Variants in AKAP12 observed in about 807,000 individuals in gnomAD.
The protein encoded by AKAP12 is A-kinase anchor protein 12.
AKAP12 carries 32 observed loss-of-function variants against 79.9 expected under a neutral mutation model. That is an observed-to-expected ratio of 0.40 (90% confidence interval 0.30 to 0.54). The LOEUF (loss-of-function observed/expected upper bound fraction) is 0.54. Ranked by LOEUF, AKAP12 falls within the 20% of genes least tolerant of loss-of-function variation. AKAP12 has a pLI of 0.48. For synonymous variants in AKAP12, 808 were observed against 857.0 expected (o/e 0.94, Z 1.00); for missense variants, 2,074 against 2,177.0 (o/e 0.95, Z 0.94).
chr6:151,288,945 T>G (rs184083365), intron 2 of AKAP12, among the ~76,000 whole-genome samples: 208 of 152,354 alleles, frequency 1.4e-3, no homozygotes, highest in African/African-American at 4.7e-3. Flanking sequence ...ACTTATGATT[T>G]ATAAATGAGG....
chr6:151,323,818 C>G lies in AKAP12; in HGVS notation c.319+17915C>G, dbSNP rs1777459161. 3.0e-6 allele frequency: 3 copies of G among 985,304 alleles called. No homozygotes were observed. In the African/African-American group the frequency reaches 5.2e-5, roughly 17 times the overall value. The allele number at this position is 985,304 out of a possible 1,614,324, so 61.0% of individuals were successfully genotyped here. A position where few individuals can be genotyped will look rare whatever the true frequency, so the allele number is the denominator to read the frequency against. ...ATTCATTCTGCTCTGCAAGGGCAGA[C>G]TCGATTTCAGAAGTGGCACCAGATG... On this transcript the variant is annotated intron_variant, in intron 3 of 4. Coordinates refer to ENST00000402676, the MANE Select transcript of AKAP12 (RefSeq NM_005100.4).
At chr6:151,345,928 TGTGTGAGAGAGA>T (rs1369700141) in intron 3 of AKAP12, among the ~76,000 whole-genome samples, 6 of 110,734 alleles carry the variant, frequency 5.4e-5, no homozygotes, top group African/African-American at 1.9e-4. Flanking sequence ...TGTGTGTGTG[TGTGTGAGAGAGA>T]GAGAGAGAGA....
chr6:151,252,730 G>C (rs1187961835), intron 2 of AKAP12, among the ~76,000 whole-genome samples: 2 of 103,752 alleles, frequency 1.9e-5, no homozygotes, highest in African/African-American at 8.2e-5. Flanking sequence ...CCCTGTCTCT[G>C]GGAAAAAAAA....
At chr6:151,347,739 TA>T (rs1242203969) in intron 3 of AKAP12, among the ~76,000 whole-genome samples, 1 of 152,232 alleles carries the variant, frequency 6.6e-6, no homozygotes, top group Non-Finnish European at 1.5e-5. Flanking sequence ...GTCATATTTT[TA>T]AAATATTTAA....
intron 1 of AKAP12, 40 bp from the exon 2 acceptor site, chr6:151,240,344 C>T (rs1796945004): frequency 2.3e-6 from 1 of 434,782 alleles, no homozygotes; most frequent in East Asian, 3.8e-5. Context: ...GGGGCGGAGG[C>T]TAAGAGGTGG....
chr6:151,350,471 A>G lies in AKAP12; in HGVS notation c.2080A>G (p.Arg694Gly). Residue 694 changes from arginine (R) to glycine (G), a missense_variant, in exon 4 of 5, where the codon AGA becomes GGA. Arg to Gly is a moderately radical substitution (Grantham distance 125, BLOSUM62 -2). Transcript: ENST00000402676. The surrounding 1 kb of genome is among the most constrained non-coding windows in gnomAD (Gnocchi z 4.8). ...GGGATCATCCAAGAAAAGAGCAAGG[A>G]GAGGGTCCTCTTCTGATGAGGAAGG... is the stretch of plus-strand genomic sequence containing the variant. ...CVGSSKKRAR[R>G]GSSSDEEGGP... 1 of 1,614,152 alleles carries G rather than the reference A, an allele frequency of 6.2e-7. No individual in the cohort carries two copies. Among genetic ancestry groups the G allele is most frequent in the Non-Finnish European group, 8.5e-7 (1 of 1,180,040 alleles).
Position 151,349,407 on chromosome 6 carries a change from A to G in AKAP12, c.1016A>G (p.Glu339Gly). 6.2e-7 allele frequency: 1 copy of G among 1,613,364 alleles called. No individual in the cohort carries two copies. The highest frequency in any genetic ancestry group is 8.5e-7 in the Non-Finnish European group (1 of 1,179,830). The stretch of plus-strand genomic sequence containing the variant: ...GAGCCAGAAAAAGTAGACACAGAAG[A>G]AGACGGAAAGGCAGAGGTTGCCTCC... ...EQEPEKVDTE[E>G]DGKAEVASEK... Residue 339 changes from glutamate (E) to glycine (G), a missense_variant, in exon 4 of 5, where the codon GAA becomes GGA. This residue lies in a region of AKAP12 where 1,428 missense variants were observed against 1,451.0 expected (regional missense o/e 0.98). Transcript: ENST00000402676.
chr6:151,248,902 G>A (rs1045356016), intron 2 of AKAP12, among the ~76,000 whole-genome samples: 3 of 151,892 alleles, frequency 2.0e-5, no homozygotes, highest in Non-Finnish European at 4.4e-5. Context: ...CAGGAGAATC[G>A]CTTGAACCTA....
intron 2 of AKAP12, among the ~76,000 whole-genome samples, chr6:151,241,826 CAAAAAAAA>C (rs59482970): frequency 8.1e-6 from 1 of 123,896 alleles, no homozygotes; most frequent in Non-Finnish European, 1.7e-5. Flanking sequence ...TTACAATATG[CAAAAAAAA>C]AAAAAAAAAG....
At chr6:151,240,867 C>T in intron 2 of AKAP12, 143 bp downstream of exon 2, 4 of 813,630 alleles carry the variant, frequency 4.9e-6, no homozygotes, top group Non-Finnish European at 6.6e-6. Flanking sequence ...GCGAACCCCT[C>T]TTTGGAGGCT....
chr6:151,299,756 GT>G (rs71014572), intron 2 of AKAP12, among the ~76,000 whole-genome samples: 94,522 of 141,750 alleles, frequency 0.67, 32,351 homozygotes, highest in South Asian at 0.81. Context: ...ACATTTAAGG[GT>G]TTTTTTTTTT....
chr6:151,350,832 G>A lies in AKAP12; in HGVS notation c.2441G>A (p.Arg814Gln), dbSNP rs1778264239. The A allele has an allele frequency of 1.2e-6, 2 of 1,614,054 alleles. No individual in the cohort carries two copies. The highest frequency in any genetic ancestry group is 1.7e-5 in the Admixed American group (1 of 60,004). Residue 814 changes from arginine (R) to glutamine (Q), a missense_variant, in exon 4 of 5, where the codon CGA (arginine) becomes CAA (glutamine). By Grantham distance (43) the Arg-to-Gln change is conservative. Around this residue, in one of 3 missense-constraint regions of AKAP12, gnomAD observed 1,428 missense variants for 1,451.0 expected, o/e 0.98. Transcript: ENST00000402676. This position sits in a 1 kb window ranked among gnomAD's most constrained non-coding sequence, Gnocchi z 4.8. ...TCAATCAAGAAGTTTATTCCTGGACGAAGGAAGAAAAGGCCAGATGGGAAA... is the reference window on the plus strand; with the variant it reads ...TCAATCAAGAAGTTTATTCCTGGACAAAGGAAGAAAAGGCCAGATGGGAAA... ...WVSIKKFIPG[R>Q]RKKRPDGKQE...
chr6:151,312,914 G>C (rs1333124757), intron 3 of AKAP12, among the ~76,000 whole-genome samples: 3 of 152,084 alleles, frequency 2.0e-5, no homozygotes, highest in Non-Finnish European at 4.4e-5. Context: ...AATCCTCTGA[G>C]CCTGGACCAG....
intron 2 of AKAP12, among the ~76,000 whole-genome samples, chr6:151,298,627 C>T (rs1039157578): frequency 4.0e-5 from 6 of 151,890 alleles, no homozygotes; most frequent in Admixed American, 6.6e-5. Flanking sequence ...AACCCCGTCT[C>T]TACTAAAAAT....
At chr6:151,266,446 G>T (rs964119575) in intron 2 of AKAP12, among the ~76,000 whole-genome samples, 1 of 152,178 alleles carries the variant, frequency 6.6e-6, no homozygotes, top group African/African-American at 2.4e-5. Context: ...GGCGTAAGGA[G>T]GAAGGCACTG....
In AKAP12 at chr6:151,353,514, A is replaced by C; in HGVS notation, c.5123A>C (p.Glu1708Ala). ...AAAGGTGATGATGTTGATGACCCTG[A>C]AAACCAGAACTCAGCCCTGGCTGAT... ...DEKGDDVDDP[E>A]NQNSALADTD... The change falls in exon 4 of 5, where the codon GAA becomes GCA. Residue 1708 changes from glutamate to alanine, a missense_variant. Glu to Ala is a moderately radical substitution (Grantham distance 107). Around this residue, in one of 3 missense-constraint regions of AKAP12, gnomAD observed 614 missense variants for 665.6 expected, o/e 0.92. Transcript: ENST00000402676. The C allele has an allele frequency of 2.5e-6, 4 of 1,614,222 alleles. No homozygotes were observed. Among genetic ancestry groups the C allele is most frequent in the Non-Finnish European group, 3.4e-6 (4 of 1,180,042 alleles).
intron 3 of AKAP12, chr6:151,325,126 C>T: frequency 2.0e-6 from 2 of 985,424 alleles, no homozygotes; most frequent in South Asian, 9.4e-5. Flanking sequence ...GTTTAGGAAA[C>T]AGCACTACTG....
intron 2 of AKAP12, among the ~76,000 whole-genome samples, chr6:151,247,337 G>C (rs1448542719): frequency 6.6e-6 from 1 of 152,020 alleles, no homozygotes; most frequent in Non-Finnish European, 1.5e-5. Context: ...GGAGTATGAG[G>C]CTGCAGTGAG....
chr6:151,273,612 C>T (rs1204539767), intron 2 of AKAP12, among the ~76,000 whole-genome samples: 1 of 152,152 alleles, frequency 6.6e-6, no homozygotes, highest in African/African-American at 2.4e-5. Flanking sequence ...AGTTATTGAA[C>T]GTATTTCCAA....
Sources: gnomAD v4.1 joint callset for allele counts (sites outside exome capture counted in the v4.1 genomes callset) on GRCh38, gnomAD v4.1.1 for gene constraint, gnomAD v4.1.1 regional missense constraint, Gnocchi (gnomAD v3.1) non-coding constraint, MANE v1.5 for transcripts, NCBI Gene and HGNC (gene_info 2026-07-23, HGNC 2026-07-21) for gene names.